ACAD10: variants seen among roughly 807,000 people sequenced by gnomAD.
The protein encoded by ACAD10 is ACAD-10.
Under a neutral mutation model 116.8 loss-of-function variants are expected in ACAD10, and 112 were observed. The ratio of observed to expected loss-of-function variants is 0.96; its 90% CI spans 0.82 to 1.12. The LOEUF (loss-of-function observed/expected upper bound fraction) is 1.12, where lower values mean the gene tolerates loss of function less well. Among genes scored for constraint, ACAD10 ranks in the 50% most tolerant of loss-of-function variants. The probability of loss-of-function intolerance (pLI) is 0.00; values close to 1 mark genes in which losing one functional copy is unlikely to be tolerated. For synonymous variants in ACAD10, 486 were observed against 510.6 expected (o/e 0.95, Z 0.65); for missense variants, 1,259 against 1,350.2 (o/e 0.93, Z 1.06).
At position 111,742,910 on chromosome 12, in the gene ACAD10, A is replaced by T. The variant is rs541158562; in HGVS notation, c.1715-1733A>T. Among the ~76,000 whole-genome samples the T allele has an allele frequency of 1.1e-4, 17 of 151,730 alleles. No individual in the cohort carries two copies. In the East Asian group the frequency reaches 2.9e-3, roughly 26 times the overall value. ...CTTTTAGTAGAGACAGGGTTTCACC[A>T]TGTTGCCCAGGCTGGTCTCGAACTG... is the stretch of plus-strand genomic sequence containing the variant. On this transcript the variant is annotated intron_variant, in intron 12 of 20. Coordinates refer to ENST00000313698, the MANE Select transcript of ACAD10 (RefSeq NM_025247.6).
At chr12:111,714,199 C>G (rs1888774403) in intron 6 of ACAD10, among the ~76,000 whole-genome samples, 2 of 149,086 alleles carry the variant, frequency 1.3e-5, no homozygotes, top group Non-Finnish European at 3.0e-5. Context: ...GAGCTGAGAT[C>G]ATGCCACTGC....
chr12:111,705,749 C>T lies in ACAD10; in HGVS notation c.348C>T (p.Ser116=), dbSNP rs149335625. Reference sequence around the variant, plus strand: ...TCTCCTGTTCTTAGTTAAAGACCTCCGTGCCTGTGGACTCATTTTTCTCTC... The same window carrying T: ...TCTCCTGTTCTTAGTTAAAGACCTCTGTGCCTGTGGACTCATTTTTCTCTC... ...GRLCSEMLKT[S]VPVDSFFSLL... is the part of the protein sequence containing the mutation. The change falls in exon 4 of 21, where the codon TCC becomes TCT. Residue 116 remains serine, a synonymous_variant. Transcript: ENST00000313698. 5.5e-5 allele frequency: 88 copies of T among 1,613,922 alleles called. 1 individual carries two copies. Among genetic ancestry groups the T allele is most frequent in the South Asian group, 4.5e-4 (41 of 91,076 alleles).
chr12:111,687,928 G>A (rs1487550010), intron 1 of ACAD10: 1 of 151,894 alleles, frequency 6.6e-6, no homozygotes, highest in Non-Finnish European at 1.5e-5. Context: ...GGAGTGCAGT[G>A]GTGCCATCTC....
chr12:111,691,487 C>T (rs7971739), intron 1 of ACAD10, among the ~76,000 whole-genome samples: 2,364 of 151,986 alleles, frequency 0.016, 72 homozygotes, highest in African/African-American at 0.054. Flanking sequence ...TGGAACAGAG[C>T]ATTGCAGAGG....
rs751345453 is a variant in ACAD10 at position 111,746,134 on chromosome 12, C to T, written c.2116-10C>T. 1.9e-6 allele frequency: 3 copies of T among 1,603,616 alleles called. No homozygotes were observed. The highest frequency in any genetic ancestry group is 1.1e-5 in the South Asian group (1 of 89,152). The stretch of plus-strand genomic sequence containing the variant: ...CACTGTGGTTTCCTGACTTATTTTC[C>T]CCATGATAGGAGAAAGCCAAAGCTG... On this transcript the variant is annotated splice_polypyrimidine_tract_variant and intron_variant, in intron 13 of 20. Transcript: ENST00000313698.
At chr12:111,735,538 C>G (rs925426953) in intron 11 of ACAD10, among the ~76,000 whole-genome samples, 1 of 151,696 alleles carries the variant, frequency 6.6e-6, no homozygotes, top group Non-Finnish European at 1.5e-5. Flanking sequence ...TCACTGCAAG[C>G]TCCACCTCCC....
At chr12:111,753,564 T>C (rs1001640058) in intron 18 of ACAD10, 4 of 731,178 alleles carry the variant, frequency 5.5e-6, no homozygotes, top group African/African-American at 1.7e-5. Context: ...GTGGCACACG[T>C]GAAGGTTGTG....
chr12:111,749,274 C>G lies in ACAD10; in HGVS notation c.2746C>G (p.Pro916Ala), dbSNP rs752637658. ...TGAGATCGCCCAGGGCAGACTGGGC[C>G]CCGGCAGGATCCATCACTGCATGAG... is the stretch of plus-strand genomic sequence containing the variant. ...GFEIAQGRLGPGRIHHCMRLI... is the reference protein window; with the variant it reads ...GFEIAQGRLGAGRIHHCMRLI... Residue 916 changes from proline (P) to alanine (A), a missense_variant, in exon 18 of 21, where the codon CCC becomes GCC. Physicochemically the swap from Pro to Ala is conservative, Grantham distance 27. Transcript: ENST00000313698. 2.5e-6 allele frequency: 4 copies of G among 1,614,078 alleles called. No homozygotes were observed. The highest frequency in any genetic ancestry group is 1.6e-4 in the Middle Eastern group (1 of 6,062).
intron 12 of ACAD10, 29 bp downstream of exon 12, chr12:111,737,033 C>G (rs1566162716): frequency 6.2e-7 from 1 of 1,607,758 alleles, no homozygotes; most frequent in Non-Finnish European, 8.5e-7. Flanking sequence ...TGAAGAGCCA[C>G]TGCGGGGTGA....
Position 111,744,827 on chromosome 12 carries a change from C to T in ACAD10, c.1899C>T (p.Ser633=). 1 of 1,614,228 alleles carries T rather than the reference C, an allele frequency of 6.2e-7. No homozygotes were observed. Among genetic ancestry groups the T allele is most frequent in the Non-Finnish European group, 8.5e-7 (1 of 1,180,034 alleles). The change falls in exon 13 of 21, where the codon AGC becomes AGT. Residue 633 remains serine (S), a synonymous_variant. Coordinates refer to ENST00000313698, the MANE Select transcript of ACAD10 (RefSeq NM_025247.6). ...RPQSQWCPTG[S]RSYSSVPEAS... is the part of the protein sequence containing the mutation. ...AGTCCCAGTGGTGCCCCACAGGCAG[C>T]AGGAGTTATAGCTCCGTTCCAGAAG...
At chr12:111,712,781 C>A in intron 6 of ACAD10, 124 bp downstream of exon 6, 1 of 1,109,692 alleles carries the variant, frequency 9.0e-7, no homozygotes, top group Non-Finnish European at 1.3e-6. Context: ...GGAAAATAGC[C>A]ATTGGGCCTG....
At chr12:111,709,874 C>A (rs907348464) in intron 5 of ACAD10, 190 bp downstream of exon 5, 1 of 648,332 alleles carries the variant, frequency 1.5e-6, no homozygotes, top group African/African-American at 1.9e-5. Context: ...GGAAGCAAGA[C>A]AAACAGGTAC....
intron 9 of ACAD10, among the ~76,000 whole-genome samples, chr12:111,728,759 G>A (rs926658968): frequency 6.6e-6 from 1 of 151,278 alleles, no homozygotes. Context: ...GTGTGATCTC[G>A]GCTCACTGCA....
At chr12:111,710,321 C>T (rs1010032205) in intron 5 of ACAD10, 5 of 453,328 alleles carry the variant, frequency 1.1e-5, no homozygotes, top group African/African-American at 8.0e-5. Context: ...CTCCTGGGCT[C>T]AAGCGATCTA....
At position 111,715,973 on chromosome 12, in the gene ACAD10, AG is replaced by A; in HGVS notation, c.992+14del. Reference sequence around the variant, plus strand: ...AGAGAGGGAGTTCAGGTAAGTTTTCAGGGCCAGGGGAGCACTTGCCCACTAG... The same window carrying A: ...AGAGAGGGAGTTCAGGTAAGTTTTCAGGCCAGGGGAGCACTTGCCCACTAG... On this transcript the variant is annotated intron_variant, in intron 7 of 20. Transcript: ENST00000313698. The A allele has an allele frequency of 1.2e-6, 2 of 1,613,852 alleles. No individual in the cohort carries two copies. Among genetic ancestry groups the A allele is most frequent in the South Asian group, 2.2e-5 (2 of 91,068 alleles).
intron 5 of ACAD10, 52 bp downstream of exon 5, chr12:111,709,736 A>G: frequency 2.0e-6 from 3 of 1,508,414 alleles, no homozygotes; most frequent in Non-Finnish European, 2.7e-6. Context: ...CACTAATGCA[A>G]TGTTTCTCTG....
chr12:111,734,437 C>G (rs1889490761), intron 11 of ACAD10, among the ~76,000 whole-genome samples: 1 of 152,068 alleles, frequency 6.6e-6, no homozygotes, highest in Non-Finnish European at 1.5e-5. Context: ...ACCAGCCTGG[C>G]CAACATGGTG....
At chr12:111,715,985 G>A in intron 7 of ACAD10, 23 bp downstream of exon 7, 1 of 1,613,650 alleles carries the variant, frequency 6.2e-7, no homozygotes, top group Non-Finnish European at 8.5e-7. Context: ...GGCCAGGGGA[G>A]CACTTGCCCA....
At position 111,733,954 on chromosome 12, in the gene ACAD10, C is replaced by A. The variant is rs781056984; in HGVS notation, c.1426C>A (p.Pro476Thr). 9.3e-6 allele frequency: 15 copies of A among 1,614,106 alleles called. No individual in the cohort carries two copies. In the African/African-American group the frequency reaches 1.9e-4, roughly 20 times the overall value. ...CAACCTGGTGTTTCATCCAGAAGAG[C>A]CAGAGGTGCTTGCTGTCCTTGACTG... ...LDNLVFHPEE[P>T]EVLAVLDWEL... Residue 476 changes from proline (P) to threonine (T), a missense_variant, in exon 11 of 21, where the codon CCA becomes ACA. By Grantham distance (38) the Pro-to-Thr change is conservative (BLOSUM62 -1). Coordinates refer to ENST00000313698, the MANE Select transcript of ACAD10 (RefSeq NM_025247.6).
Sources: gnomAD v4.1 joint callset for allele counts (sites outside exome capture counted in the v4.1 genomes callset) on GRCh38, gnomAD v4.1.1 for gene constraint, MANE v1.5 for transcripts, NCBI Gene and HGNC (gene_info 2026-07-23, HGNC 2026-07-21) for gene names.